The following ESRRG variants were observed in gnomAD, a reference collection of about 807,000 sequenced individuals.
ESRRG encodes estrogen-related receptor gamma.
A neutral mutation model predicts 44.0 loss-of-function variants in ESRRG; 13 were observed. The observed-to-expected ratio is 0.30, with a 90% CI of 0.19 to 0.47. ESRRG has a LOEUF of 0.47. ESRRG is among the 20% of genes least tolerant of loss of function. The pLI, the probability that ESRRG is intolerant of heterozygous loss-of-function variation, is 1.00. For synonymous variants in ESRRG, 215 were observed against 214.6 expected, an observed-to-expected ratio of 1.00 and a Z score of -0.02; for missense variants, 395 against 580.6, an observed-to-expected ratio of 0.68 and a Z score of 3.29.
At chr1:217,034,951 A>G (rs1370458347) in intron 1 of ESRRG, among the ~76,000 whole-genome samples, 7 of 152,184 alleles carry the variant, frequency 4.6e-5, no homozygotes, top group Non-Finnish European at 8.8e-5. Context: ...CTAGGTATCT[A>G]TATGTTACTT....
At chr1:216,653,770 C>T (rs574206537) in intron 2 of ESRRG, among the ~76,000 whole-genome samples, 1 of 152,048 alleles carries the variant, frequency 6.6e-6, no homozygotes, top group East Asian at 1.9e-4. Context: ...CACATATTAC[C>T]CATTGGATGG....
At chr1:216,673,952 T>C (rs560532841) in intron 2 of ESRRG, among the ~76,000 whole-genome samples, 1 of 152,188 alleles carries the variant, frequency 6.6e-6, no homozygotes, top group African/African-American at 2.4e-5. Context: ...TAAATATTCG[T>C]TGAATAAATG....
intron 6 of ESRRG, among the ~76,000 whole-genome samples, chr1:216,516,470 C>T (rs995808708): frequency 6.6e-6 from 1 of 151,912 alleles, no homozygotes; most frequent in Non-Finnish European, 1.5e-5. Flanking sequence ...TGAATAAAGA[C>T]CAATGTTTAA....
chr1:216,741,328 A>G (rs1272424206), intron 2 of ESRRG, among the ~76,000 whole-genome samples: 1 of 149,046 alleles, frequency 6.7e-6, no homozygotes, highest in Non-Finnish European at 1.5e-5. Context: ...AATTTATATT[A>G]TAATTATTTC....
chr1:216,641,809 G>C (rs775481483), intron 3 of ESRRG, among the ~76,000 whole-genome samples: 5 of 152,190 alleles, frequency 3.3e-5, no homozygotes, highest in Non-Finnish European at 7.4e-5. Flanking sequence ...AGGACTTTGA[G>C]TGGGAAGTCA....
At chr1:216,705,275 C>G (rs1466830065) in intron 1 of ESRRG, among the ~76,000 whole-genome samples, 1 of 151,394 alleles carries the variant, frequency 6.6e-6, no homozygotes. Flanking sequence ...TGGTAGCCAA[C>G]TAAAATATTC....
chr1:216,827,574 AT>A (rs899120472), intron 2 of ESRRG, among the ~76,000 whole-genome samples: 30 of 152,240 alleles, frequency 2.0e-4, no homozygotes, highest in African/African-American at 7.2e-4. Context: ...GCTATCCATA[AT>A]TTTTCCCTCT....
At chr1:216,688,680 A>T (rs1175889634) in intron 1 of ESRRG, among the ~76,000 whole-genome samples, 1 of 152,150 alleles carries the variant, frequency 6.6e-6, no homozygotes, top group Non-Finnish European at 1.5e-5. Flanking sequence ...CAGAGATATG[A>T]AATTGTTCAT....
intron 2 of ESRRG, among the ~76,000 whole-genome samples, chr1:216,879,842 T>C (rs747201786): frequency 1.1e-4 from 16 of 152,186 alleles, no homozygotes; most frequent in Non-Finnish European, 2.1e-4. Flanking sequence ...CTACACCATA[T>C]TTAAACTGGC....
chr1:216,613,022 G>A (rs1056055155), intron 3 of ESRRG, among the ~76,000 whole-genome samples: 1 of 152,116 alleles, frequency 6.6e-6, no homozygotes, highest in African/African-American at 2.4e-5. Context: ...GAATTGAACT[G>A]TAAATTGTTT....
chr1:216,918,002 C>G (rs2061396676), intron 2 of ESRRG, among the ~76,000 whole-genome samples: 1 of 152,152 alleles, frequency 6.6e-6, no homozygotes, highest in South Asian at 2.1e-4. Flanking sequence ...GTCTCTGATT[C>G]ATTTTTACCC....
chr1:216,756,195 C>T (rs1030825006), intron 2 of ESRRG, among the ~76,000 whole-genome samples: 7 of 151,858 alleles, frequency 4.6e-5, no homozygotes, highest in African/African-American at 1.5e-4. Context: ...CCCTGGCATT[C>T]AATAAAATCC....
At chr1:216,912,287 A>AAGCAAGG (rs2060567856) in intron 2 of ESRRG, among the ~76,000 whole-genome samples, 1 of 114,088 alleles carries the variant, frequency 8.8e-6, no homozygotes, top group Non-Finnish European at 1.8e-5. Context: ...AGAGGGGAGG[A>AAGCAAGG]GAGGAAAGGA....
intron 3 of ESRRG, among the ~76,000 whole-genome samples, chr1:216,627,793 T>G (rs1053987794): frequency 6.8e-6 from 1 of 146,480 alleles, no homozygotes; most frequent in Non-Finnish European, 1.5e-5. Flanking sequence ...TTGTGAAATA[T>G]GCTCCAGGGA....
intron 1 of ESRRG, chr1:216,707,324 A>G (rs1230141794): frequency 2.6e-6 from 4 of 1,535,014 alleles, no homozygotes; most frequent in East Asian, 2.4e-5. Context: ...AACTTTGGTG[A>G]TCAAGTCTTC....
At chr1:217,003,484 T>G (rs1165838098) in intron 1 of ESRRG, among the ~76,000 whole-genome samples, 1 of 151,440 alleles carries the variant, frequency 6.6e-6, no homozygotes, top group Admixed American at 6.6e-5. Flanking sequence ...CTAAAAATAA[T>G]AATTTAATGT....
intron 1 of ESRRG, among the ~76,000 whole-genome samples, chr1:216,719,594 AG>A (rs2085734761): frequency 6.6e-6 from 1 of 152,024 alleles, no homozygotes; most frequent in South Asian, 2.1e-4. Context: ...TTAAAAGCTG[AG>A]TTAATTATTA....
chr1:216,865,129 T>C (rs988796469), intron 2 of ESRRG: 9 of 139,872 alleles, frequency 6.4e-5, no homozygotes. Context: ...ATTCTCTGAC[T>C]AGGAAGGTTT....
At chr1:216,718,768 A>T (rs1393164977) in intron 1 of ESRRG, among the ~76,000 whole-genome samples, 1 of 152,030 alleles carries the variant, frequency 6.6e-6, no homozygotes, top group African/African-American at 2.4e-5. Context: ...CACTTATAAT[A>T]GATCAACATT....
Sources: gnomAD v4.1 joint callset for allele counts (sites outside exome capture counted in the v4.1 genomes callset) on GRCh38, gnomAD v4.1.1 for gene constraint, MANE v1.5 for transcripts, NCBI Gene and HGNC (gene_info 2026-07-23, HGNC 2026-07-21) for gene names.